The following FBN1 variants were observed in gnomAD, a reference collection of about 807,000 sequenced individuals.
FBN1 encodes the protein fibrillin-1.
A neutral mutation model predicts 365.1 loss-of-function variants in FBN1; 29 were observed. That is an observed-to-expected ratio of 0.08 (90% CI 0.06 to 0.11). FBN1 has a LOEUF of 0.11. FBN1 is among the 10% of genes least tolerant of loss of function. FBN1 has a pLI of 1.00. For synonymous variants in FBN1, 1,210 were observed against 1,270.5 expected, an observed-to-expected ratio of 0.95 and a Z score of 1.01; for missense variants, 2,476 against 3,703.2, an observed-to-expected ratio of 0.67 and a Z score of 8.60.
At position 48,487,316 on chromosome 15, in the gene FBN1, A is replaced by G. The variant is rs909290107; in HGVS notation, c.3459T>C (p.Cys1153=). 1.2e-6 allele frequency: 2 copies of G among 1,614,228 alleles called. No homozygotes were observed. Among genetic ancestry groups the G allele is most frequent in the Non-Finnish European group, 1.7e-6 (2 of 1,180,044 alleles). Reference sequence around the variant, plus strand: ...TGTGAAAGTCTTTCTCCTTACCGATACACGCGGAGATGTTGGGGGACAGCT... The same window carrying G: ...TGTGAAAGTCTTTCTCCTTACCGATGCACGCGGAGATGTTGGGGGACAGCT... ...GHQLSPNISA[C]IDINECELSA... Residue 1153 remains cysteine (C), a synonymous_variant, in exon 28 of 66, where the codon TGT becomes TGC. Transcript: ENST00000316623.
At chr15:48,553,201 T>G (rs553029505) in intron 6 of FBN1, among the ~76,000 whole-genome samples, 83 of 152,330 alleles carry the variant, frequency 5.4e-4, no homozygotes, top group Admixed American at 1.1e-3. Context: ...ATTTTGAATG[T>G]GATATGCCCT....
At chr15:48,485,962 G>A (rs2043503323) in intron 29 of FBN1, among the ~76,000 whole-genome samples, 1 of 152,200 alleles carries the variant, frequency 6.6e-6, no homozygotes. Flanking sequence ...GGGCAACTGA[G>A]TCACTGATTC....
chr15:48,446,426 T>C (rs917631840), intron 47 of FBN1, among the ~76,000 whole-genome samples: 1 of 152,210 alleles, frequency 6.6e-6, no homozygotes, highest in Non-Finnish European at 1.5e-5. Flanking sequence ...ACTTTAGGTA[T>C]GTATGTGTAG....
intron 32 of FBN1, among the ~76,000 whole-genome samples, chr15:48,477,237 C>A (rs546122517): frequency 6.6e-6 from 1 of 152,110 alleles, no homozygotes; most frequent in Non-Finnish European, 1.5e-5. Flanking sequence ...CTTTAAAAAT[C>A]ATCAGTAATA....
intron 6 of FBN1, among the ~76,000 whole-genome samples, chr15:48,555,410 T>C (rs892879102): frequency 2.0e-5 from 3 of 152,216 alleles, no homozygotes; most frequent in African/African-American, 7.2e-5. Context: ...CATGTCTGGT[T>C]GTCTCGCCCT....
chr15:48,534,248 A>G (rs763586262), intron 7 of FBN1, 43 bp from the exon 8 acceptor site: 4 of 1,581,034 alleles, frequency 2.5e-6, no homozygotes, highest in Non-Finnish European at 2.6e-6. Context: ...AAAAACTCAT[A>G]TGAAATTCAT....
In FBN1 at chr15:48,594,006, C is replaced by T. The variant is rs1254979275; in HGVS notation, c.538+2277G>A. 3.3e-5 allele frequency among the ~76,000 whole-genome samples: 5 copies of T among 152,286 alleles called. No individual in the cohort carries two copies. In the East Asian group the frequency reaches 9.6e-4, roughly 29 times the overall value. The stretch of plus-strand genomic sequence containing the variant: ...CCACCATCGGAAGTCACCCTGAATA[C>T]TTCCCCACACTTCAGGATGGATCTG... On this transcript the variant is annotated intron_variant, in intron 6 of 65. Coordinates refer to ENST00000316623, the MANE Select transcript of FBN1 (RefSeq NM_000138.5).
intron 45 of FBN1, among the ~76,000 whole-genome samples, chr15:48,451,155 T>A (rs539469645): frequency 6.6e-6 from 1 of 152,386 alleles, no homozygotes; most frequent in East Asian, 1.9e-4. Context: ...TGTCTTATCT[T>A]GATCTATAAA....
chr15:48,549,313 A>C (rs1319002011), intron 6 of FBN1, among the ~76,000 whole-genome samples: 1 of 152,222 alleles, frequency 6.6e-6, no homozygotes, highest in Non-Finnish European at 1.5e-5. Context: ...ATTGGGATTG[A>C]CGAGCACTGG....
intron 44 of FBN1, among the ~76,000 whole-genome samples, chr15:48,453,296 A>C (rs926769287): frequency 1.3e-4 from 15 of 111,658 alleles, no homozygotes; most frequent in African/African-American, 2.4e-4. Context: ...AAAACAAACA[A>C]AAAAAAAACA....
intron 2 of FBN1, among the ~76,000 whole-genome samples, chr15:48,629,398 TCAAC>T (rs1720711017): frequency 6.6e-6 from 1 of 152,248 alleles, no homozygotes; most frequent in Non-Finnish European, 1.5e-5. Context: ...TTAAGACAGA[TCAAC>T]CAATTGCAAA....
At chr15:48,580,926 G>T (rs1248157016) in intron 6 of FBN1, among the ~76,000 whole-genome samples, 1 of 152,178 alleles carries the variant, frequency 6.6e-6, no homozygotes, top group African/African-American at 2.4e-5. Flanking sequence ...GACTAAAACT[G>T]CATGCACTTG....
Position 48,595,559 on chromosome 15 carries a change from G to A in FBN1, c.538+724C>T, listed in dbSNP as rs77232759. On this transcript the variant is annotated intron_variant, in intron 6 of 65. Coordinates refer to ENST00000316623, the MANE Select transcript of FBN1 (RefSeq NM_000138.5). ...TCTCAATATCATACTTGTATTTTTA[G>A]GTAGGCAAATCAGGTAGAATGTTTC... 3.9e-5 allele frequency among the ~76,000 whole-genome samples: 6 copies of A among 152,238 alleles called. No homozygotes were observed. In the East Asian group the frequency reaches 1.2e-3, roughly 29 times the overall value.
At chr15:48,510,234 C>A in intron 13 of FBN1, 65 bp from the exon 14 acceptor site, 2 of 1,536,712 alleles carry the variant, frequency 1.3e-6, no homozygotes, top group South Asian at 1.1e-5. Flanking sequence ...TTTTATTTCC[C>A]CCTCCCTCCA....
chr15:48,629,145 A>T (rs1347422025), intron 2 of FBN1, among the ~76,000 whole-genome samples: 1 of 152,228 alleles, frequency 6.6e-6, no homozygotes, highest in East Asian at 1.9e-4. Context: ...AATCTAAACC[A>T]TCTCACTGCT....
chr15:48,520,934 A>T, intron 9 of FBN1, 117 bp from the exon 10 acceptor site: 1 of 1,368,160 alleles, frequency 7.3e-7, no homozygotes, highest in Non-Finnish European at 1.0e-6. Context: ...ATTAACTCAC[A>T]CCTCTGCCCC....
chr15:48,559,104 T>C (rs1221995306), intron 6 of FBN1, among the ~76,000 whole-genome samples: 1 of 152,190 alleles, frequency 6.6e-6, no homozygotes, highest in Non-Finnish European at 1.5e-5. Flanking sequence ...GAAGTCTTCT[T>C]AGAAATCAGC....
In FBN1 at chr15:48,549,061, T is replaced by C. The variant is rs144400257; in HGVS notation, c.539-11253A>G. ...CAAGTGTTCTTAGGAACTATGCTCA[T>C]GCAAATGCTTTCTATTCAAATGTAT... On this transcript the variant is annotated intron_variant, in intron 6 of 65. Transcript: ENST00000316623. Among the ~76,000 whole-genome samples, 664 of 152,380 alleles carry C rather than the reference T, an allele frequency of 4.4e-3. 13 individuals are homozygous for C. Among genetic ancestry groups the C allele is most frequent in the Admixed American group, 0.031 (471 of 15,302 alleles).
rs548228948 is a variant in FBN1, at chr15:48,550,542, C to T, written c.539-12734G>A. On this transcript the variant is annotated intron_variant, in intron 6 of 65. Coordinates refer to ENST00000316623, the MANE Select transcript of FBN1 (RefSeq NM_000138.5). ...GTGTAGACCCTCATTTCCCTTTGCCCTGCTGGAGTGAACCTAACTTCAGTT... is the reference window on the plus strand; with the variant it reads ...GTGTAGACCCTCATTTCCCTTTGCCTTGCTGGAGTGAACCTAACTTCAGTT... Among the ~76,000 whole-genome samples the T allele has an allele frequency of 3.9e-5, 6 of 152,256 alleles. No individual in the cohort carries two copies. In the East Asian group the frequency reaches 1.2e-3, roughly 29 times the overall value.
Sources: allele counts gnomAD v4.1 joint callset (sites outside exome capture counted in the v4.1 genomes callset), GRCh38; gene constraint gnomAD v4.1.1; transcripts MANE v1.5; gene names NCBI Gene and HGNC (gene_info 2026-07-23, HGNC 2026-07-21).